THEM4: variants seen among roughly 807,000 people sequenced by gnomAD.
THEM4 encodes thioesterase superfamily member 4.
In THEM4, 22 loss-of-function variants were observed where a neutral mutation model predicts 25.0. That is an observed-to-expected ratio of 0.88 (90% CI 0.63 to 1.26). The LOEUF is 1.26. Ranked by LOEUF, THEM4 falls within the 50% of genes most tolerant of loss-of-function variation. The pLI, the probability that THEM4 is intolerant of heterozygous loss-of-function variation, is 0.00. For synonymous variants in THEM4, 113 were observed against 105.6 expected (o/e 1.07, Z -0.43); for missense variants, 286 against 300.3 (o/e 0.95, Z 0.35).
chr1:151,882,704 G>A (rs1395148689), intron 4 of THEM4, among the ~76,000 whole-genome samples: 3 of 152,176 alleles, frequency 2.0e-5, no homozygotes, highest in Non-Finnish European at 4.4e-5. Context: ...AATGGAGCTG[G>A]TGACTAATTT....
intron 1 of THEM4, among the ~76,000 whole-genome samples, chr1:151,897,813 C>T (rs897903451): frequency 6.6e-6 from 1 of 152,168 alleles, no homozygotes; most frequent in East Asian, 1.9e-4. Context: ...CTCCTGAACA[C>T]ACACCCCTAC....
At chr1:151,881,396 G>A (rs776796305) in intron 4 of THEM4, among the ~76,000 whole-genome samples, 1 of 152,106 alleles carries the variant, frequency 6.6e-6, no homozygotes, top group Non-Finnish European at 1.5e-5. Context: ...TTATCTACAT[G>A]TTTACCAATT....
chr1:151,908,671 T>C (rs1285124431), intron 1 of THEM4, among the ~76,000 whole-genome samples: 1 of 152,260 alleles, frequency 6.6e-6, no homozygotes, highest in Non-Finnish European at 1.5e-5. Context: ...GCCTTTATGT[T>C]TTCCTTTTCT....
In THEM4 at chr1:151,909,375, C is replaced by T; in HGVS notation, c.84G>A (p.Glu28=). The T allele has an allele frequency of 6.6e-7, 1 of 1,508,886 alleles. No homozygotes were observed. Among genetic ancestry groups the T allele is most frequent in the Non-Finnish European group, 8.8e-7 (1 of 1,134,724 alleles). 93.5% of individuals were successfully genotyped at this position (1,508,886 alleles called of 1,614,324 possible). Residue 28 remains glutamate (E), a synonymous_variant, in exon 1 of 6, where the codon GAG becomes GAA. Coordinates refer to ENST00000368814, the MANE Select transcript of THEM4 (RefSeq NM_053055.5). The part of the protein sequence containing the change: ...PPVGRRLPGS[E]PRPELRSFSS... ...CCAGACTCACCAGCTCGGGTCGCGG[C>T]TCGCTTCCCGGCAGGCGCCGGCCTA...
rs1653618619 is a variant in THEM4 at position 151,874,228 on chromosome 1, G to A, written c.*660C>T. On this transcript the variant is annotated 3_prime_UTR_variant, in exon 6 of 6. Transcript: ENST00000368814. ...TTACAATGTATATGCATATGCACAT[G>A]CCTGTGTGTTTCCCACCATGTATTT... is the stretch of plus-strand genomic sequence containing the variant. The A allele has an allele frequency of 6.6e-6, 1 of 152,402 alleles. No individual in the cohort carries two copies. The highest frequency in any genetic ancestry group is 1.5e-5 in the Non-Finnish European group (1 of 68,202). The allele number at this position is 152,402 out of a possible 1,614,324, so 9.4% of individuals were successfully genotyped here. A position where few individuals can be genotyped will look rare whatever the true frequency, so the allele number is the denominator to read the frequency against.
chr1:151,895,964 C>T (rs1654213611), intron 1 of THEM4, among the ~76,000 whole-genome samples: 1 of 150,528 alleles, frequency 6.6e-6, no homozygotes, highest in Admixed American at 6.6e-5. Context: ...TGCCTTCTGC[C>T]ATGACTGTAA....
In THEM4 at chr1:151,877,055, C is replaced by G; in HGVS notation, c.628G>C (p.Val210Leu). 7 of 1,613,340 alleles carry G rather than the reference C, an allele frequency of 4.3e-6. No homozygotes were observed. Among genetic ancestry groups the G allele is most frequent in the Non-Finnish European group, 5.1e-6 (6 of 1,179,668 alleles). Residue 210 changes from valine (V) to leucine (L), a missense_variant, in exon 5 of 6, where the codon GTT becomes CTT. By Grantham distance (32) the Val-to-Leu change is conservative (BLOSUM62 1). Transcript: ENST00000368814. Reference sequence around the variant, plus strand: ...TCAACACTCTGAACATTACAGGAAACAAAAAATTTCCTTCCTTCAACTTTA... The same window carrying G: ...TCAACACTCTGAACATTACAGGAAAGAAAAAATTTCCTTCCTTCAACTTTA... ...LDKVEGRKFF[V>L]SCNVQSVDEK... is the part of the protein sequence containing the mutation.
At chr1:151,893,662 G>C (rs769413390) in intron 2 of THEM4, among the ~76,000 whole-genome samples, 1 of 152,090 alleles carries the variant, frequency 6.6e-6, no homozygotes, top group Non-Finnish European at 1.5e-5. Context: ...TGGGAGACTG[G>C]GAGTTCTCTT....
rs1653584074 is a variant in THEM4 at position 151,872,849 on chromosome 1, C to T, written c.*2039G>A. On this transcript the variant is annotated 3_prime_UTR_variant, in exon 6 of 6. Coordinates refer to ENST00000368814, the MANE Select transcript of THEM4 (RefSeq NM_053055.5). ...AAAGCCTGGGTATTGTCCAAGGTTT[C>T]CCCCCACTGAGACAGCCTGAGATAT... is the stretch of plus-strand genomic sequence containing the variant. Among the ~76,000 whole-genome samples, 1 of 152,142 alleles carries T rather than the reference C, an allele frequency of 6.6e-6. No individual in the cohort carries two copies. The highest frequency in any genetic ancestry group is 1.5e-5 in the Non-Finnish European group (1 of 68,030).
At position 151,871,506 on chromosome 1, in the gene THEM4, A is replaced by G. The variant is rs1169622068; in HGVS notation, c.*3382T>C. On this transcript the variant is annotated 3_prime_UTR_variant, in exon 6 of 6. Coordinates refer to ENST00000368814, the MANE Select transcript of THEM4 (RefSeq NM_053055.5). The stretch of plus-strand genomic sequence containing the variant: ...CTTTTGTTATCTTACATACTTGTCA[A>G]AATACAACCTGAGGAAAGCAAGAGT... Among the ~76,000 whole-genome samples the G allele has an allele frequency of 1.3e-5, 2 of 152,158 alleles. No individual in the cohort carries two copies. The highest frequency in any genetic ancestry group is 4.8e-5 in the African/African-American group (2 of 41,418).
At chr1:151,884,606 CTG>C (rs1449372973) in intron 4 of THEM4, among the ~76,000 whole-genome samples, 1 of 151,986 alleles carries the variant, frequency 6.6e-6, no homozygotes, top group Non-Finnish European at 1.5e-5. Flanking sequence ...TCACTTTCAG[CTG>C]TGTTTAAATA....
intron 4 of THEM4, among the ~76,000 whole-genome samples, chr1:151,879,016 T>C (rs1428012017): frequency 1.3e-5 from 2 of 151,188 alleles, no homozygotes; most frequent in Non-Finnish European, 1.5e-5. Context: ...AGAGAGAGCA[T>C]ACATAAATAC....
chr1:151,896,675 T>A lies in THEM4; in HGVS notation c.100-1481A>T, dbSNP rs563669953. ...TATCTGCAGTGCTCTCTGAGGGATTTTAAATGGGGGGTAACATGATTAGAT... is the reference window on the plus strand; with the variant it reads ...TATCTGCAGTGCTCTCTGAGGGATTATAAATGGGGGGTAACATGATTAGAT... On this transcript the variant is annotated intron_variant, in intron 1 of 5. Coordinates refer to ENST00000368814, the MANE Select transcript of THEM4 (RefSeq NM_053055.5). 1.9e-4 allele frequency among the ~76,000 whole-genome samples: 29 copies of A among 152,310 alleles called. No homozygotes were observed. The East Asian group carries it at 5.4e-3, about 28-fold the overall frequency.
At chr1:151,894,731 G>A in intron 2 of THEM4, 1 of 582,508 alleles carries the variant, frequency 1.7e-6, no homozygotes, top group Non-Finnish European at 3.0e-6. Flanking sequence ...GAGGTGATGA[G>A]GTTGTAGGAG....
At chr1:151,897,176 T>C (rs1207413918) in intron 1 of THEM4, among the ~76,000 whole-genome samples, 1 of 152,190 alleles carries the variant, frequency 6.6e-6, no homozygotes, top group Non-Finnish European at 1.5e-5. Flanking sequence ...TTGGAACATG[T>C]AGGATCACAG....
At chr1:151,893,639 A>G (rs893284756) in intron 2 of THEM4, among the ~76,000 whole-genome samples, 1 of 151,998 alleles carries the variant, frequency 6.6e-6, no homozygotes, top group Admixed American at 6.6e-5. Flanking sequence ...AGGGGGGAGG[A>G]TATGTGAGGC....
chr1:151,904,412 G>A lies in THEM4; in HGVS notation c.99+4948C>T, dbSNP rs539205001. Among the ~76,000 whole-genome samples, 7 of 152,288 alleles carry A rather than the reference G, an allele frequency of 4.6e-5. No homozygotes were observed. The South Asian group carries it at 8.3e-4, about 18-fold the overall frequency. ...AAGGACATAAGTAGAAAACTCACAC[G>A]TGATTTCACCAATGTTATTACATAG... On this transcript the variant is annotated intron_variant, in intron 1 of 5. Transcript: ENST00000368814.
rs1246182316 is a variant in THEM4, at chr1:151,909,418, GC to G, written c.40del (p.Ala14LeufsTer7). The G allele has an allele frequency of 2.1e-5, 31 of 1,485,892 alleles. No individual in the cohort carries two copies. Among genetic ancestry groups the G allele is most frequent in the Admixed American group, 4.6e-5 (2 of 43,470 alleles). 92.0% of individuals were successfully genotyped at this position (1,485,892 alleles called of 1,614,324 possible). On this transcript the variant is annotated frameshift_variant, in exon 1 of 6. Transcript: ENST00000368814. LOFTEE classifies it high-confidence loss of function. ...SCAARLRTLG[A>X]LCLPPVGRRL... is the part of the protein sequence containing the mutation. The stretch of plus-strand genomic sequence containing the variant: ...CCGGCCTACTGGCGGCAGGCACAGA[GC>G]CCCCAGCGTGCGGAGGCGCGCGGCG...
chr1:151,882,253 G>C (rs1272559857), intron 4 of THEM4, among the ~76,000 whole-genome samples: 2 of 151,764 alleles, frequency 1.3e-5, no homozygotes, highest in Admixed American at 6.6e-5. Context: ...GCATGTGCCT[G>C]TAATGTCAGC....
Sources: allele counts gnomAD v4.1 joint callset (sites outside exome capture counted in the v4.1 genomes callset), GRCh38; gene constraint gnomAD v4.1.1; transcripts MANE v1.5; gene names NCBI Gene and HGNC (gene_info 2026-07-23, HGNC 2026-07-21).